Variants in TMEM117 observed in about 807,000 individuals in gnomAD.
TMEM117 encodes the protein transmembrane protein 117.
In TMEM117, 27 loss-of-function variants were observed where a neutral mutation model predicts 52.4. The ratio of observed to expected loss-of-function variants is 0.51; its 90% CI spans 0.38 to 0.71. The LOEUF is 0.71. Ranked by LOEUF, TMEM117 falls within the 30% of genes least tolerant of loss-of-function variation. The pLI is 0.00. For synonymous variants in TMEM117, 215 were observed against 206.3 expected, an observed-to-expected ratio of 1.04 and a Z score of -0.36; for missense variants, 556 against 630.5, an observed-to-expected ratio of 0.88 and a Z score of 1.26.
intron 3 of TMEM117, among the ~76,000 whole-genome samples, chr12:44,041,810 T>C (rs1442265027): frequency 1.3e-5 from 2 of 152,146 alleles, no homozygotes; most frequent in Non-Finnish European, 2.9e-5. Flanking sequence ...GTAAGGTTGG[T>C]TAATACAAAT....
chr12:43,948,503 C>T (rs565974202), intron 3 of TMEM117, among the ~76,000 whole-genome samples: 2 of 152,152 alleles, frequency 1.3e-5, no homozygotes, highest in Non-Finnish European at 2.9e-5. Context: ...GACGGGGTTT[C>T]ACCGTATTAG....
intron 7 of TMEM117, among the ~76,000 whole-genome samples, chr12:44,386,790 G>A (rs962563825): frequency 1.3e-5 from 2 of 152,004 alleles, no homozygotes; most frequent in African/African-American, 2.4e-5. Flanking sequence ...AGGATTAAAA[G>A]TATTTAGCCT....
At chr12:44,249,703 C>T (rs1950174524) in intron 5 of TMEM117, among the ~76,000 whole-genome samples, 1 of 152,162 alleles carries the variant, frequency 6.6e-6, no homozygotes, top group African/African-American at 2.4e-5. Flanking sequence ...CTACAACCAT[C>T]TGATCTTCAA....
At chr12:44,305,122 A>G (rs1025585914) in intron 6 of TMEM117, among the ~76,000 whole-genome samples, 2 of 152,184 alleles carry the variant, frequency 1.3e-5, no homozygotes, top group Non-Finnish European at 2.9e-5. Flanking sequence ...AGTATATACC[A>G]TAAGCTGACT....
intron 7 of TMEM117, 54 bp from the exon 8 acceptor site, chr12:44,387,972 C>A: frequency 6.8e-7 from 1 of 1,478,230 alleles, no homozygotes. Flanking sequence ...TGTAGAAAAC[C>A]TTATTGCAAT....
At chr12:43,887,214 A>G (rs1388060969) in intron 2 of TMEM117, among the ~76,000 whole-genome samples, 1 of 152,182 alleles carries the variant, frequency 6.6e-6, no homozygotes, top group Non-Finnish European at 1.5e-5. Flanking sequence ...ACCTAAAGCA[A>G]GAAGCAGAAG....
intron 5 of TMEM117, among the ~76,000 whole-genome samples, chr12:44,245,744 G>A (rs565293424): frequency 8.6e-5 from 13 of 152,032 alleles, no homozygotes; most frequent in African/African-American, 3.1e-4. Context: ...ATGCTGCTGA[G>A]AACTCTGGAT....
chr12:43,889,094 T>C (rs1034537239), intron 2 of TMEM117, among the ~76,000 whole-genome samples: 4 of 151,460 alleles, frequency 2.6e-5, no homozygotes, highest in Non-Finnish European at 5.9e-5. Context: ...TCTTTTTTTT[T>C]TTTTTGAGAT....
chr12:44,280,223 G>T (rs1050303643), intron 5 of TMEM117, among the ~76,000 whole-genome samples: 1 of 152,026 alleles, frequency 6.6e-6, no homozygotes, highest in Non-Finnish European at 1.5e-5. Context: ...GTTAATCCCT[G>T]TATAGATGTC....
intron 3 of TMEM117, among the ~76,000 whole-genome samples, chr12:44,048,596 A>G (rs993029726): frequency 1.3e-5 from 2 of 152,204 alleles, no homozygotes; most frequent in African/African-American, 4.8e-5. Context: ...AATGGTTTGC[A>G]GTGCACAAAA....
chr12:43,826,801 C>T, the TMEM117 span, among the ~76,000 whole-genome samples: 1 of 152,134 alleles, frequency 6.6e-6, no homozygotes, highest in African/African-American at 2.4e-5. Context: ...GGAATGCAAG[C>T]CTCATTCTAA....
chr12:43,837,651 T>G (rs1263880575), intron 1 of TMEM117, among the ~76,000 whole-genome samples: 3 of 152,212 alleles, frequency 2.0e-5, no homozygotes, highest in Non-Finnish European at 4.4e-5. Flanking sequence ...GGCTGGCAAT[T>G]CCTTATTGCA....
chr12:44,081,023 TTA>T (rs1947473273), intron 3 of TMEM117, among the ~76,000 whole-genome samples: 1 of 152,150 alleles, frequency 6.6e-6, no homozygotes, highest in South Asian at 2.1e-4. Flanking sequence ...AAATGGGAAT[TTA>T]TGTTATAATT....
intron 2 of TMEM117, among the ~76,000 whole-genome samples, chr12:43,854,079 A>G (rs1188421154): frequency 2.0e-5 from 3 of 152,200 alleles, no homozygotes; most frequent in Non-Finnish European, 4.4e-5. Flanking sequence ...TTTGGTCTTT[A>G]AATGCCAGTC....
At chr12:44,201,937 G>A (rs1362919951) in intron 4 of TMEM117, among the ~76,000 whole-genome samples, 1 of 151,860 alleles carries the variant, frequency 6.6e-6, no homozygotes, top group Non-Finnish European at 1.5e-5. Flanking sequence ...TTATAGATGA[G>A]GGGAGAAGAT....
chr12:43,930,110 A>G (rs116829442), intron 2 of TMEM117, among the ~76,000 whole-genome samples: 4,553 of 152,196 alleles, frequency 0.03, 213 homozygotes, highest in African/African-American at 0.1. Context: ...CCTTACTCCT[A>G]TGATATTGCC....
At chr12:44,029,160 T>G (rs1407401275) in intron 3 of TMEM117, among the ~76,000 whole-genome samples, 2 of 152,150 alleles carry the variant, frequency 1.3e-5, no homozygotes, top group Non-Finnish European at 2.9e-5. Flanking sequence ...CAAGGATGCT[T>G]GACTGACCTT....
chr12:43,852,423 T>G (rs1943326218), intron 2 of TMEM117, among the ~76,000 whole-genome samples: 1 of 80,946 alleles, frequency 1.2e-5, no homozygotes, highest in Non-Finnish European at 3.3e-5. Flanking sequence ...AGTGCAAGAC[T>G]CCATCTCAAA....
At position 43,919,500 on chromosome 12, in the gene TMEM117, G is replaced by A. The variant is rs538551846; in HGVS notation, c.278-24710G>A. The stretch of plus-strand genomic sequence containing the variant: ...TATTAAGGCTGAATACTATATCATT[G>A]TGTGTATATATTCCACATTTTCTTT... On this transcript the variant is annotated intron_variant, in intron 2 of 7. Coordinates refer to ENST00000266534, the MANE Select transcript of TMEM117 (RefSeq NM_032256.3). Among the ~76,000 whole-genome samples, 8 of 152,256 alleles carry A rather than the reference G, an allele frequency of 5.3e-5. No homozygotes were observed. In the East Asian group the frequency reaches 1.5e-3, roughly 29 times the overall value.
Sources: allele counts gnomAD v4.1 joint callset (sites outside exome capture counted in the v4.1 genomes callset), GRCh38; gene constraint gnomAD v4.1.1; transcripts MANE v1.5; gene names NCBI Gene and HGNC (gene_info 2026-07-23, HGNC 2026-07-21).